The following CDH12 variants were observed in gnomAD, a reference collection of about 807,000 sequenced individuals.
CDH12 encodes cadherin-12.
CDH12 carries 41 observed loss-of-function variants against 74.1 expected under a neutral mutation model. The observed-to-expected ratio is 0.55, with a 90% CI of 0.43 to 0.72. The LOEUF (loss-of-function observed/expected upper bound fraction) is 0.72, where lower values mean the gene tolerates loss of function less well. Ranked by LOEUF, CDH12 falls within the 30% of genes least tolerant of loss-of-function variation. CDH12 has a pLI of 0.00. For synonymous variants in CDH12, 399 were observed against 355.0 expected (o/e 1.12, Z -1.39); for missense variants, 945 against 977.2 (o/e 0.97, Z 0.44).
rs1178469399 is a variant in CDH12 at position 22,498,924 on chromosome 5, G to A, written c.-428+6346C>T. 4.8e-5 allele frequency among the ~76,000 whole-genome samples: 3 copies of A among 63,094 alleles called. No individual in the cohort carries two copies. In the South Asian group the frequency reaches 1.5e-3, roughly 31 times the overall value. 41.4% of individuals were successfully genotyped at this position (63,094 alleles called of 152,430 possible). On this transcript the variant is annotated intron_variant, in intron 2 of 14. Coordinates refer to ENST00000382254, the MANE Select transcript of CDH12 (RefSeq NM_004061.5). ...TTCTTTTTTTTTTTTTTTTTTTTGT[G>A]ACGTAGTCTTGCCCTGACACCCAGA...
chr5:22,466,405 G>C (rs1022020290), intron 2 of CDH12, among the ~76,000 whole-genome samples: 11 of 152,292 alleles, frequency 7.2e-5, no homozygotes, highest in Middle Eastern at 3.4e-3. Context: ...ACCAAAGCTT[G>C]TAAGTCTGAA....
At chr5:22,715,033 G>C (rs997527315) in intron 1 of CDH12, among the ~76,000 whole-genome samples, 4 of 152,106 alleles carry the variant, frequency 2.6e-5, no homozygotes, top group African/African-American at 9.7e-5. Context: ...TAAAGTACAA[G>C]TATGTTTCTA....
intron 2 of CDH12, among the ~76,000 whole-genome samples, chr5:22,492,793 T>C (rs1462175985): frequency 6.6e-6 from 1 of 152,134 alleles, no homozygotes; most frequent in Non-Finnish European, 1.5e-5. Context: ...CCCACACACC[T>C]GTGTGGGAAT....
chr5:22,652,943 C>T (rs1739817429), intron 1 of CDH12, among the ~76,000 whole-genome samples: 1 of 152,102 alleles, frequency 6.6e-6, no homozygotes, highest in Non-Finnish European at 1.5e-5. Context: ...TAACTGTATG[C>T]CCAAATAAAC....
intron 1 of CDH12, among the ~76,000 whole-genome samples, chr5:22,543,615 A>T (rs1191181916): frequency 6.6e-6 from 1 of 152,198 alleles, no homozygotes; most frequent in Non-Finnish European, 1.5e-5. Flanking sequence ...GAGAACCTAC[A>T]GTCTAGAAAG....
At chr5:21,943,871 C>G (rs912611893) in intron 6 of CDH12, among the ~76,000 whole-genome samples, 1 of 151,964 alleles carries the variant, frequency 6.6e-6, no homozygotes, top group Non-Finnish European at 1.5e-5. Flanking sequence ...ACGAATGACA[C>G]CAAAGAATTA....
At chr5:22,707,960 C>A (rs536186927) in intron 1 of CDH12, among the ~76,000 whole-genome samples, 4 of 152,018 alleles carry the variant, frequency 2.6e-5, no homozygotes, top group Admixed American at 6.6e-5. Context: ...AGTTTCTAAT[C>A]GGCTCTATAA....
intron 10 of CDH12, among the ~76,000 whole-genome samples, chr5:21,797,880 C>G (rs368531869): frequency 6.6e-6 from 1 of 151,848 alleles, no homozygotes; most frequent in Non-Finnish European, 1.5e-5. Context: ...AATATTTTGG[C>G]CTCATCATTC....
chr5:22,420,623 T>C (rs1271934061), intron 2 of CDH12, among the ~76,000 whole-genome samples: 1 of 152,218 alleles, frequency 6.6e-6, no homozygotes, highest in Non-Finnish European at 1.5e-5. Flanking sequence ...TCCAGCCTTT[T>C]CTTTTTCCTT....
chr5:22,669,927 A>G (rs1740820190), intron 1 of CDH12, among the ~76,000 whole-genome samples: 1 of 152,206 alleles, frequency 6.6e-6, no homozygotes, highest in South Asian at 2.1e-4. Context: ...TGTACATTAT[A>G]AATCTGGTTA....
intron 3 of CDH12, among the ~76,000 whole-genome samples, chr5:22,340,775 T>C (rs1407633875): frequency 6.6e-6 from 1 of 152,200 alleles, no homozygotes; most frequent in Non-Finnish European, 1.5e-5. Context: ...ATGGTAATAG[T>C]AAATTTCTCT....
At chr5:22,790,496 G>A (rs1395648861) in intron 1 of CDH12, among the ~76,000 whole-genome samples, 2 of 152,058 alleles carry the variant, frequency 1.3e-5, no homozygotes, top group African/African-American at 4.8e-5. Context: ...AATGATCAAT[G>A]TAACTTTCAT....
chr5:22,584,671 G>T (rs1229133040), intron 1 of CDH12, among the ~76,000 whole-genome samples: 1 of 152,032 alleles, frequency 6.6e-6, no homozygotes, highest in East Asian at 1.9e-4. Flanking sequence ...TGCTGGCTGT[G>T]ATATTTCTCT....
intron 2 of CDH12, among the ~76,000 whole-genome samples, chr5:22,419,497 T>C (rs1328508931): frequency 6.6e-6 from 1 of 152,200 alleles, no homozygotes. Flanking sequence ...TTCCTATGGC[T>C]GCATAGTATT....
intron 4 of CDH12, among the ~76,000 whole-genome samples, chr5:22,130,170 C>T (rs959638390): frequency 4.7e-5 from 7 of 149,402 alleles, no homozygotes; most frequent in Non-Finnish European, 8.9e-5. Context: ...TTGAAGAGAC[C>T]ATGGGAAAAA....
At chr5:22,404,618 C>A (rs1742861933) in intron 3 of CDH12, among the ~76,000 whole-genome samples, 1 of 152,112 alleles carries the variant, frequency 6.6e-6, no homozygotes, top group African/African-American at 2.4e-5. Flanking sequence ...GAATCTCATG[C>A]ATCAAGGTAA....
intron 5 of CDH12, among the ~76,000 whole-genome samples, chr5:22,041,839 T>G (rs1739592776): frequency 6.6e-6 from 1 of 152,102 alleles, no homozygotes; most frequent in African/African-American, 2.4e-5. Context: ...ATTTCTTACT[T>G]AGCAGCAGAA....
At chr5:22,735,155 T>A (rs1172981995) in intron 1 of CDH12, among the ~76,000 whole-genome samples, 2 of 152,062 alleles carry the variant, frequency 1.3e-5, no homozygotes, top group Non-Finnish European at 2.9e-5. Flanking sequence ...AAGATGTTAC[T>A]GCCACCTATC....
At chr5:22,144,174 T>A (rs919570598) in intron 4 of CDH12, 4 of 152,194 alleles carry the variant, frequency 2.6e-5, no homozygotes, top group African/African-American at 9.6e-5. Context: ...AGAAAATAAA[T>A]CATTTTCCCT....
Sources: gnomAD v4.1 joint callset for allele counts (sites outside exome capture counted in the v4.1 genomes callset) on GRCh38, gnomAD v4.1.1 for gene constraint, MANE v1.5 for transcripts, NCBI Gene and HGNC (gene_info 2026-07-23, HGNC 2026-07-21) for gene names.